TTC9B: variants seen among roughly 807,000 people sequenced by gnomAD.
The protein encoded by TTC9B is tetratricopeptide repeat domain 9B, also known as tetratricopeptide repeat protein 9B.
In TTC9B, 12 loss-of-function variants were observed where a neutral mutation model predicts 19.4. The ratio of observed to expected loss-of-function variants is 0.62; its 90% CI spans 0.40 to 1.00. The LOEUF is 1.00. Ranked by LOEUF, TTC9B falls within the 50% of genes least tolerant of loss-of-function variation. The pLI, the probability that TTC9B is intolerant of heterozygous loss-of-function variation, is 0.00. For synonymous variants in TTC9B, 156 were observed against 158.6 expected (o/e 0.98, Z 0.12); for missense variants, 316 against 345.2 (o/e 0.92, Z 0.67).
Position 40,216,169 on chromosome 19 carries a change from A to G in TTC9B, c.714T>C (p.Ile238=), listed in dbSNP as rs1262048057. 9 of 1,614,134 alleles carry G rather than the reference A, an allele frequency of 5.6e-6. No homozygotes were observed. The highest frequency in any genetic ancestry group is 7.6e-6 in the Non-Finnish European group (9 of 1,179,978). ...SGAGSQTRDV[I]G Reference sequence around the variant, plus strand: ...AGGTCCCCCTGGATTGGCCTCAGCCAATTACATCCCGAGTCTGGGACCCAG... The same window carrying G: ...AGGTCCCCCTGGATTGGCCTCAGCCGATTACATCCCGAGTCTGGGACCCAG... The change falls in exon 3 of 3, where the codon ATT becomes ATC. Residue 238 remains isoleucine, a synonymous_variant. Coordinates refer to ENST00000311308, the MANE Select transcript of TTC9B (RefSeq NM_152479.6).
chr19:40,218,056 G>C lies in TTC9B; in HGVS notation c.326C>G (p.Pro109Arg). The C allele has an allele frequency of 6.6e-7, 1 of 1,516,846 alleles. No homozygotes were observed. Among genetic ancestry groups the C allele is most frequent in the South Asian group, 1.3e-5 (1 of 78,992 alleles). The allele number at this position is 1,516,846 out of a possible 1,614,324, so 94.0% of individuals were successfully genotyped here. The change falls in exon 1 of 3, where the codon CCC becomes CGC. Residue 109 changes from proline (P) to arginine (R), a missense_variant. Physicochemically the swap from Pro to Arg is moderately radical, Grantham distance 103 (BLOSUM62 -2). Transcript: ENST00000311308. The surrounding 1 kb of genome is among the most constrained non-coding windows in gnomAD (Gnocchi z 4.2). ...GGGGCTGCTGGTGGGCCCGGGGGCGGGGGCGGGCAGGCCGCTAGGGCGGGC... is the reference window on the plus strand; with the variant it reads ...GGGGCTGCTGGTGGGCCCGGGGGCGCGGGCGGGCAGGCCGCTAGGGCGGGC... ...QGARPSGLPA[P>R]APGPTSSPGP...
chr19:40,217,957 G>T lies in TTC9B; in HGVS notation c.425C>A (p.Thr142Lys). ...CCCCCCACCCCCCGACGGCGTACCC[G>T]TGAGGGAGTCGTAACACTCCACCTC... is the stretch of plus-strand genomic sequence containing the variant. The part of the protein sequence containing the change: ...STEVECYDSL[T>K]ACLLQSELVN... Residue 142 changes from threonine to lysine, a missense_variant and splice_region_variant, in exon 1 of 3, where the codon ACG becomes AAG. Coordinates refer to ENST00000311308, the MANE Select transcript of TTC9B (RefSeq NM_152479.6). 1.1e-6 allele frequency: 1 copy of T among 904,830 alleles called. No homozygotes were observed. The highest frequency in any genetic ancestry group is 1.4e-6 in the Non-Finnish European group (1 of 706,068). 56.1% of individuals were successfully genotyped at this position (904,830 alleles called of 1,614,324 possible).
intron 1 of TTC9B, chr19:40,217,669 C>T (rs1471956147): frequency 1.9e-6 from 1 of 521,060 alleles, no homozygotes; most frequent in Non-Finnish European, 3.3e-6. Context: ...GGCAGACTTC[C>T]TCACCTTGGG....
rs751869906 is a variant in TTC9B, at chr19:40,216,115, A to G, written c.*48T>C. ...AAACACATGAGTCGGGGGAAGTTAC[A>G]TGGTGAGGTGGGAGGGCGAGGGATA... On this transcript the variant is annotated 3_prime_UTR_variant, in exon 3 of 3. Transcript: ENST00000311308. The G allele has an allele frequency of 1.9e-5, 28 of 1,451,470 alleles. No homozygotes were observed. The highest frequency in any genetic ancestry group is 2.7e-5 in the Non-Finnish European group (28 of 1,032,284). 89.9% of individuals were successfully genotyped at this position (1,451,470 alleles called of 1,614,324 possible). A position where few individuals can be genotyped will look rare whatever the true frequency, so the allele number is the denominator to read the frequency against.
rs934719433 is a variant in TTC9B at position 40,216,720 on chromosome 19, A to G, written c.611-448T>C. ...TGTGTGTAAGTGCACACATGCACGC[A>G]CACACACACACACCCCAATTTCCTG... is the stretch of plus-strand genomic sequence containing the variant. On this transcript the variant is annotated intron_variant, in intron 2 of 2. Transcript: ENST00000311308. The G allele has an allele frequency of 3.0e-5, 7 of 235,038 alleles. 1 individual carries two copies. The East Asian group carries it at 6.2e-4, about 21-fold the overall frequency. 14.6% of individuals were successfully genotyped at this position (235,038 alleles called of 1,614,324 possible). A position where few individuals can be genotyped will look rare whatever the true frequency, so the allele number is the denominator to read the frequency against.
Position 40,216,155 on chromosome 19 carries a change from G to A in TTC9B, c.*8C>T, listed in dbSNP as rs763157342. The A allele has an allele frequency of 6.2e-7, 1 of 1,608,868 alleles. No homozygotes were observed. Among genetic ancestry groups the A allele is most frequent in the Non-Finnish European group, 8.5e-7 (1 of 1,175,192 alleles). ...GGCGAGGGATAGAGAGGTCCCCCTG[G>A]ATTGGCCTCAGCCAATTACATCCCG... is the stretch of plus-strand genomic sequence containing the variant. On this transcript the variant is annotated 3_prime_UTR_variant, in exon 3 of 3. Coordinates refer to ENST00000311308, the MANE Select transcript of TTC9B (RefSeq NM_152479.6).
At chr19:40,217,876 C>T (rs1973391475) in intron 1 of TTC9B, 79 bp downstream of exon 1, 2 of 1,306,302 alleles carry the variant, frequency 1.5e-6, no homozygotes, top group Admixed American at 2.9e-5. Flanking sequence ...AGCCCCAGGG[C>T]CCCTGGCCCC....
In TTC9B at chr19:40,217,952, T is replaced by A. The variant is rs1437207828; in HGVS notation, c.427+3A>T. The A allele has an allele frequency of 6.2e-6, 6 of 961,824 alleles. No homozygotes were observed. The highest frequency in any genetic ancestry group is 7.0e-6 in the Non-Finnish European group (5 of 719,040). 59.6% of individuals were successfully genotyped at this position (961,824 alleles called of 1,614,324 possible). On this transcript the variant is annotated splice_donor_region_variant and intron_variant, in intron 1 of 2. Transcript: ENST00000311308. ...CCCATCCCCCCACCCCCCGACGGCG[T>A]ACCCGTGAGGGAGTCGTAACACTCC...
rs1265809879 is a variant in TTC9B at position 40,217,260 on chromosome 19, A to T, written c.537T>A (p.Ile179=). 1 of 1,613,916 alleles carries T rather than the reference A, an allele frequency of 6.2e-7. No homozygotes were observed. Among genetic ancestry groups the T allele is most frequent in the African/African-American group, 1.3e-5 (1 of 74,938 alleles). The change falls in exon 2 of 3, where the codon ATT becomes ATA. Residue 179 remains isoleucine (I), a synonymous_variant. Transcript: ENST00000311308. ...CGTAGTCGCCCAGGTGGTAGAAGGC[A>T]ATGCCGGCACGGTAGGTGGCCTTGA... The part of the protein sequence containing the change: ...GNFKATYRAG[I]AFYHLGDYAR...
At chr19:40,217,126 G>A in intron 2 of TTC9B, 61 bp downstream of exon 2, 2 of 1,533,562 alleles carry the variant, frequency 1.3e-6, no homozygotes, top group East Asian at 2.3e-5. Context: ...TGTTCCCTCC[G>A]CTGCAGCCCC....
At chr19:40,217,490 C>G (rs1389304544) in intron 1 of TTC9B, 121 bp from the exon 2 acceptor site, 2 of 1,269,528 alleles carry the variant, frequency 1.6e-6, no homozygotes, top group Non-Finnish European at 2.1e-6. Context: ...CTCCGGCAAC[C>G]AGGGGCGCCA....
rs765137966 is a variant in TTC9B, at chr19:40,217,378, G to A, written c.428-9C>T. The A allele has an allele frequency of 6.2e-7, 1 of 1,608,076 alleles. No homozygotes were observed. The highest frequency in any genetic ancestry group is 8.5e-7 in the Non-Finnish European group (1 of 1,175,976). On this transcript the variant is annotated splice_polypyrimidine_tract_variant and intron_variant, in intron 1 of 2. Coordinates refer to ENST00000311308, the MANE Select transcript of TTC9B (RefSeq NM_152479.6). ...CGACTGCAGCAGGCAAGCTGCGAGG[G>A]CCCCGCGGCCGGCACTCTCAGAGCC...
intron 2 of TTC9B, 155 bp from the exon 3 acceptor site, chr19:40,216,427 C>T (rs1973368486): frequency 8.0e-6 from 5 of 623,298 alleles, no homozygotes; most frequent in African/African-American, 1.8e-5. Flanking sequence ...CAGTCACAGT[C>T]GGCAGTCCCC....
intron 1 of TTC9B, 180 bp from the exon 2 acceptor site, chr19:40,217,549 G>A: frequency 1.3e-6 from 1 of 778,098 alleles, no homozygotes; most frequent in Non-Finnish European, 2.0e-6. Context: ...GCTAGGGGGC[G>A]CCAAAACACG....
rs1973395262 is a variant in TTC9B at position 40,218,021 on chromosome 19, G to A, written c.361C>T (p.Arg121Cys). 6.7e-7 allele frequency: 1 copy of A among 1,487,736 alleles called. No individual in the cohort carries two copies. Among genetic ancestry groups the A allele is most frequent in the Non-Finnish European group, 8.9e-7 (1 of 1,123,130 alleles). 92.2% of individuals were successfully genotyped at this position (1,487,736 alleles called of 1,614,324 possible). ...AGGCGCCGCTGCTCCTCGCTGAGGC[G>A]CGCCGGCCCGGGGCTGCTGGTGGGC... is the stretch of plus-strand genomic sequence containing the variant. The part of the protein sequence containing the change: ...PGPTSSPGPA[R>C]LSEEQRRLVE... Residue 121 changes from arginine to cysteine, a missense_variant, in exon 1 of 3, where the codon CGC (arginine) becomes TGC (cysteine). Transcript: ENST00000311308. This position sits in a 1 kb window ranked among gnomAD's most constrained non-coding sequence, Gnocchi z 4.2.
chr19:40,216,912 A>G (rs1973375323), intron 2 of TTC9B: 1 of 569,576 alleles, frequency 1.8e-6, no homozygotes. Flanking sequence ...AATAGGAGAT[A>G]TCAGATGTGG....
Position 40,218,244 on chromosome 19 carries a change from A to G in TTC9B, c.138T>C (p.Pro46=), listed in dbSNP as rs1973399545. ...GSRHGSARPG[P]TPEPSGSLGA... The stretch of plus-strand genomic sequence containing the variant: ...CCAGGCTCCCCGACGGCTCTGGGGT[A>G]GGACCGGGACGAGCCGAGCCATGGC... Residue 46 remains proline, a synonymous_variant, in exon 1 of 3, where the codon CCT becomes CCC. Transcript: ENST00000311308. This position sits in a 1 kb window ranked among gnomAD's most constrained non-coding sequence, Gnocchi z 4.2. 6.6e-7 allele frequency: 1 copy of G among 1,518,630 alleles called. No individual in the cohort carries two copies. Among genetic ancestry groups the G allele is most frequent in the Non-Finnish European group, 8.8e-7 (1 of 1,142,062 alleles). The allele number at this position is 1,518,630 out of a possible 1,614,324, so 94.1% of individuals were successfully genotyped here.
chr19:40,217,936 C>G lies in TTC9B; in HGVS notation c.427+19G>C. The G allele has an allele frequency of 6.2e-6, 9 of 1,462,510 alleles. No individual in the cohort carries two copies. The highest frequency in any genetic ancestry group is 8.1e-6 in the Non-Finnish European group (9 of 1,112,748). The allele number at this position is 1,462,510 out of a possible 1,614,324, so 90.6% of individuals were successfully genotyped here. ...CCCCCTCCCCTCGTGCCCCATCCCC[C>G]CACCCCCCGACGGCGTACCCGTGAG... On this transcript the variant is annotated intron_variant, in intron 1 of 2. Transcript: ENST00000311308.
At position 40,216,178 on chromosome 19, in the gene TTC9B, C is replaced by T. The variant is rs865942194; in HGVS notation, c.705G>A (p.Arg235=). ...TGGATTGGCCTCAGCCAATTACATC[C>T]CGAGTCTGGGACCCAGCCCCACTGT... The part of the protein sequence containing the change: ...REDSGAGSQT[R]DVIG The change falls in exon 3 of 3, where the codon CGG becomes CGA. Residue 235 remains arginine (R), a synonymous_variant. Transcript: ENST00000311308. 2 of 1,614,192 alleles carry T rather than the reference C, an allele frequency of 1.2e-6. No homozygotes were observed. Among genetic ancestry groups the T allele is most frequent in the South Asian group, 2.2e-5 (2 of 91,092 alleles).
Sources: gnomAD v4.1 joint callset for allele counts on GRCh38, gnomAD v4.1.1 for gene constraint, Gnocchi (gnomAD v3.1) non-coding constraint, MANE v1.5 for transcripts, NCBI Gene and HGNC (gene_info 2026-07-23, HGNC 2026-07-21) for gene names.